BTRC: variants seen among roughly 807,000 people sequenced by gnomAD.
The protein encoded by BTRC is F-box/WD repeat-containing protein 1A.
In BTRC, 42 loss-of-function variants were observed where a neutral mutation model predicts 85.5. The observed-to-expected ratio is 0.49, with a 90% confidence interval of 0.38 to 0.64. BTRC has a LOEUF of 0.64. Ranked by LOEUF, BTRC falls within the 30% of genes least tolerant of loss-of-function variation. The probability of loss-of-function intolerance (pLI) is 0.00; values close to 1 mark genes in which losing one functional copy is unlikely to be tolerated. For synonymous variants in BTRC, 255 were observed against 263.3 expected (o/e 0.97, Z 0.30); for missense variants, 594 against 743.5 (o/e 0.80, Z 2.34).
intron 1 of BTRC, among the ~76,000 whole-genome samples, chr10:101,387,528 C>CTTTTTTTTTTTTTTTTTTTT (rs535656002): frequency 0.016 from 714 of 45,010 alleles, 182 homozygotes; most frequent in East Asian, 0.02. Flanking sequence ...CTTCATGGGA[C>CTTTTTTTTTTTTTTTTTTTT]TTTTTTTTTT....
At chr10:101,527,467 T>G (rs1204621900) in intron 6 of BTRC, among the ~76,000 whole-genome samples, 1 of 152,186 alleles carries the variant, frequency 6.6e-6, no homozygotes, top group Non-Finnish European at 1.5e-5. Flanking sequence ...CAAAGAATAT[T>G]GTTGGCCGGG....
intron 1 of BTRC, among the ~76,000 whole-genome samples, chr10:101,378,036 A>G (rs970361651): frequency 2.0e-5 from 3 of 152,168 alleles, no homozygotes; most frequent in African/African-American, 7.2e-5. Context: ...CGTGAACAAG[A>G]TCATGATCTA....
chr10:101,449,917 G>C (rs1189924568), intron 2 of BTRC, among the ~76,000 whole-genome samples: 4 of 150,290 alleles, frequency 2.7e-5, no homozygotes, highest in African/African-American at 9.8e-5. Context: ...GCCTGTTTGG[G>C]ATTTTAAAAT....
intron 1 of BTRC, among the ~76,000 whole-genome samples, chr10:101,414,500 A>T (rs537840018): frequency 6.6e-6 from 1 of 152,348 alleles, no homozygotes; most frequent in Non-Finnish European, 1.5e-5. Context: ...CTTACTGTAC[A>T]GTATTTTTTA....
At chr10:101,405,637 T>G (rs958711680) in intron 1 of BTRC, among the ~76,000 whole-genome samples, 13 of 152,188 alleles carry the variant, frequency 8.5e-5, no homozygotes, top group African/African-American at 2.9e-4. Context: ...TCCAATTACC[T>G]GCTAGTATTT....
intron 3 of BTRC, among the ~76,000 whole-genome samples, chr10:101,473,086 A>G (rs557547890): frequency 1.1e-3 from 162 of 151,576 alleles, no homozygotes; most frequent in African/African-American, 3.8e-3. Context: ...CCAGCCACGC[A>G]TATATTCTAG....
At chr10:101,476,545 C>G (rs998305225) in intron 3 of BTRC, among the ~76,000 whole-genome samples, 3 of 151,724 alleles carry the variant, frequency 2.0e-5, no homozygotes, top group African/African-American at 7.3e-5. Context: ...AATCATAGCT[C>G]CCTGCAGTCT....
In BTRC at chr10:101,445,585, C is replaced by T. The variant is rs17688453; in HGVS notation, c.156+15133C>T. On this transcript the variant is annotated intron_variant, in intron 2 of 14. Coordinates refer to ENST00000370187, the MANE Select transcript of BTRC (RefSeq NM_033637.4). The stretch of plus-strand genomic sequence containing the variant: ...GTATGGATCACTGGTATGTAATAAT[C>T]GACTATTATCGGTCTGTCTATTGGT... Among the ~76,000 whole-genome samples, 267 of 152,258 alleles carry T rather than the reference C, an allele frequency of 1.8e-3. 2 individuals are homozygous for T. Among genetic ancestry groups the T allele is most frequent in the Non-Finnish European group, 3.4e-3 (228 of 68,014 alleles).
At chr10:101,354,105 C>T (rs977101973), upstream of BTRC, 59 of 1,507,234 alleles carry the variant, frequency 3.9e-5, no homozygotes, top group Non-Finnish European at 5.3e-5. Flanking sequence ...AGGCGGGATC[C>T]GGGCGCTGCG....
At chr10:101,458,868 T>A (rs1454308207) in intron 2 of BTRC, among the ~76,000 whole-genome samples, 2 of 152,226 alleles carry the variant, frequency 1.3e-5, no homozygotes, top group Non-Finnish European at 2.9e-5. Context: ...TTACTCTTTT[T>A]TCATTGTAAC....
chr10:101,535,675 C>T (rs1055767642), intron 11 of BTRC, among the ~76,000 whole-genome samples: 2 of 152,194 alleles, frequency 1.3e-5, no homozygotes, highest in Non-Finnish European at 2.9e-5. Flanking sequence ...TTAAATTTCT[C>T]CTGTCTACCG....
intron 2 of BTRC, 126 bp from the exon 3 acceptor site, chr10:101,461,855 C>T: frequency 1.6e-6 from 1 of 637,580 alleles, no homozygotes; most frequent in Non-Finnish European, 2.7e-6. Context: ...TACAAATCTT[C>T]AAGTGAATAA....
chr10:101,537,479 G>C (rs1424154864), intron 12 of BTRC, among the ~76,000 whole-genome samples: 3 of 152,290 alleles, frequency 2.0e-5, no homozygotes, highest in Non-Finnish European at 4.4e-5. Context: ...AGTGAGCCAA[G>C]ATTGCGCCAC....
At chr10:101,490,163 T>G (rs1416624787) in intron 4 of BTRC, among the ~76,000 whole-genome samples, 2 of 152,158 alleles carry the variant, frequency 1.3e-5, no homozygotes, top group African/African-American at 4.8e-5. Flanking sequence ...TCTTTTCATG[T>G]ATCTTCAAGA....
At chr10:101,436,625 A>AATAG (rs113369211) in intron 2 of BTRC, among the ~76,000 whole-genome samples, 61,671 of 146,750 alleles carry the variant, frequency 0.42, 13,242 homozygotes, top group East Asian at 0.51. Flanking sequence ...AATTAAAAAA[A>AATAG]ATAGATAGAT....
At chr10:101,550,367 C>T (rs917265688) in intron 13 of BTRC, among the ~76,000 whole-genome samples, 6 of 151,946 alleles carry the variant, frequency 3.9e-5, no homozygotes, top group East Asian at 1.9e-4. Context: ...TCACTGCAAC[C>T]TCCACCTCCC....
chr10:101,359,413 C>A (rs891679976), intron 1 of BTRC, among the ~76,000 whole-genome samples: 17 of 151,854 alleles, frequency 1.1e-4, no homozygotes, highest in African/African-American at 3.9e-4. Flanking sequence ...AGTGGTAATT[C>A]TTTTTGCCTA....
rs368182072 is a variant in BTRC at position 101,534,919 on chromosome 10, G to T, written c.1347+9G>T. On this transcript the variant is annotated intron_variant, in intron 10 of 14. Transcript: ENST00000370187. ...GGGATAGAACTATAAAGGTAATAAG[G>T]CATTTTTCAGTAAGTTTCCAACTTA... The T allele has an allele frequency of 1.2e-6, 2 of 1,605,740 alleles. No individual in the cohort carries two copies. Among genetic ancestry groups the T allele is most frequent in the South Asian group, 1.1e-5 (1 of 90,942 alleles).
chr10:101,532,750 ATGTG>A lies in BTRC; in HGVS notation c.979-165_979-162del, dbSNP rs71643587. On this transcript the variant is annotated intron_variant, in intron 8 of 14. Transcript: ENST00000370187. ...AAGTTTGCATTAGTACTGAAGCTAT[ATGTG>A]TGTGTGTGTGTGTGTGTGTGTGTGT... 9.2e-3 allele frequency among the ~76,000 whole-genome samples: 939 copies of A among 102,218 alleles called. 11 individuals are homozygous for A. Among genetic ancestry groups the A allele is most frequent in the African/African-American group, 0.029 (667 of 22,946 alleles). The allele number at this position is 102,218 out of a possible 152,430, so 67.1% of individuals were successfully genotyped here.
Sources: allele counts gnomAD v4.1 joint callset (sites outside exome capture counted in the v4.1 genomes callset), GRCh38; gene constraint gnomAD v4.1.1; transcripts MANE v1.5; gene names NCBI Gene and HGNC (gene_info 2026-07-23, HGNC 2026-07-21).